The following GPR137C variants were observed in gnomAD, a reference collection of about 807,000 sequenced individuals.
GPR137C encodes integral membrane protein GPR137C.
In GPR137C, 27 loss-of-function variants were observed where a neutral mutation model predicts 43.4. The ratio of observed to expected loss-of-function variants is 0.62; its 90% CI spans 0.46 to 0.86. The LOEUF is 0.86. GPR137C is among the 40% of genes least tolerant of loss of function. GPR137C has a pLI of 0.00. For synonymous variants in GPR137C, 285 were observed against 226.9 expected, an observed-to-expected ratio of 1.26 and a Z score of -2.30; for missense variants, 522 against 534.6, an observed-to-expected ratio of 0.98 and a Z score of 0.23.
intron 1 of GPR137C, among the ~76,000 whole-genome samples, chr14:52,584,749 G>A (rs969781971): frequency 2.0e-5 from 3 of 152,024 alleles, no homozygotes; most frequent in African/African-American, 7.2e-5. Context: ...TAGCTAGGAC[G>A]ATAGGTGTGG....
At chr14:52,614,100 T>A (rs143768251) in intron 3 of GPR137C, among the ~76,000 whole-genome samples, 109 of 152,182 alleles carry the variant, frequency 7.2e-4, no homozygotes, top group African/African-American at 2.6e-3. Flanking sequence ...TTCTCTGATG[T>A]TAAATGATGT....
At chr14:52,564,396 A>G (rs1014779309) in intron 1 of GPR137C, among the ~76,000 whole-genome samples, 2 of 151,934 alleles carry the variant, frequency 1.3e-5, no homozygotes, top group African/African-American at 4.8e-5. Flanking sequence ...ATTTCAAACT[A>G]TGCTCCTCAT....
At chr14:52,574,248 A>G (rs758153953) in intron 1 of GPR137C, among the ~76,000 whole-genome samples, 22 of 152,318 alleles carry the variant, frequency 1.4e-4, no homozygotes, top group Admixed American at 2.0e-4. Flanking sequence ...TAGTCATTCT[A>G]CTATAAAGAC....
chr14:52,620,839 A>G (rs1323402907), intron 3 of GPR137C, among the ~76,000 whole-genome samples: 1 of 151,998 alleles, frequency 6.6e-6, no homozygotes, highest in Non-Finnish European at 1.5e-5. Context: ...GAGTCAGTTC[A>G]CTTAAAGATA....
chr14:52,575,155 T>G (rs1363465996), intron 1 of GPR137C, among the ~76,000 whole-genome samples: 1 of 152,184 alleles, frequency 6.6e-6, no homozygotes, highest in Non-Finnish European at 1.5e-5. Context: ...TTTACAGAGA[T>G]TTTTAGTAAC....
intron 3 of GPR137C, among the ~76,000 whole-genome samples, chr14:52,622,343 G>C (rs2039170516): frequency 6.6e-6 from 1 of 151,940 alleles, no homozygotes; most frequent in Non-Finnish European, 1.5e-5. Context: ...TTAATCATTT[G>C]GAAAAGAATG....
At position 52,637,478 on chromosome 14, in the gene GPR137C, G is replaced by A. The variant is rs772470595; in HGVS notation, c.*2363G>A. The A allele has an allele frequency of 1.3e-5, 2 of 152,112 alleles. No homozygotes were observed. The highest frequency in any genetic ancestry group is 2.4e-5 in the African/African-American group (1 of 41,438). 9.4% of individuals were successfully genotyped at this position (152,112 alleles called of 1,614,324 possible). A position where few individuals can be genotyped will look rare whatever the true frequency, so the allele number is the denominator to read the frequency against. The stretch of plus-strand genomic sequence containing the variant: ...TTTCACTTGGGTGGCCATTAATTTT[G>A]AAACCTTTACCACTCATTGTAGTTG... On this transcript the variant is annotated 3_prime_UTR_variant, in exon 7 of 7. Coordinates refer to ENST00000321662, the MANE Select transcript of GPR137C (RefSeq NM_001099652.2).
At chr14:52,580,449 G>A (rs1011249587) in intron 1 of GPR137C, among the ~76,000 whole-genome samples, 4 of 151,930 alleles carry the variant, frequency 2.6e-5, no homozygotes, top group Non-Finnish European at 4.4e-5. Flanking sequence ...TGCAATCTTC[G>A]CCTCTGGGCC....
At chr14:52,575,223 T>A (rs768630791) in intron 1 of GPR137C, among the ~76,000 whole-genome samples, 3 of 152,152 alleles carry the variant, frequency 2.0e-5, no homozygotes, top group Non-Finnish European at 4.4e-5. Context: ...CCTGAAAATT[T>A]TAGTTATTTA....
In GPR137C at chr14:52,599,579, G is replaced by A. The variant is rs556978578; in HGVS notation, c.489-534G>A. Among the ~76,000 whole-genome samples the A allele has an allele frequency of 1.8e-3, 273 of 151,968 alleles. 1 individual carries two copies. Among genetic ancestry groups the A allele is most frequent in the African/African-American group, 6.1e-3 (254 of 41,462 alleles). On this transcript the variant is annotated intron_variant, in intron 2 of 6. Transcript: ENST00000321662. ...CTCCTGAATAGCTGGGACTACAGGC[G>A]TGTGCCGCCATACCCAGCTAATTTT...
chr14:52,621,173 A>T (rs1455240632), intron 3 of GPR137C, among the ~76,000 whole-genome samples: 1 of 151,822 alleles, frequency 6.6e-6, no homozygotes, highest in Non-Finnish European at 1.5e-5. Context: ...AGAAAAATAA[A>T]TTATAGAATT....
intron 1 of GPR137C, among the ~76,000 whole-genome samples, chr14:52,579,113 T>G (rs951242805): frequency 6.6e-6 from 1 of 152,138 alleles, no homozygotes; most frequent in Admixed American, 6.5e-5. Flanking sequence ...AAAAAAATAT[T>G]CTAATCTTTC....
At chr14:52,621,069 A>G (rs2039155334) in intron 3 of GPR137C, among the ~76,000 whole-genome samples, 1 of 151,934 alleles carries the variant, frequency 6.6e-6, no homozygotes, top group Non-Finnish European at 1.5e-5. Context: ...AAGCTTAGCA[A>G]ACCCAATCAG....
chr14:52,632,486 A>T (rs531789772), intron 4 of GPR137C, among the ~76,000 whole-genome samples, 177 bp downstream of exon 4: 1 of 152,220 alleles, frequency 6.6e-6, no homozygotes, highest in East Asian at 1.9e-4. Flanking sequence ...ATTTGAAATC[A>T]TTCTTCACAG....
chr14:52,553,383 T>C lies in GPR137C; in HGVS notation c.236T>C (p.Leu79Pro). The C allele has an allele frequency of 6.2e-7, 1 of 1,605,794 alleles. No homozygotes were observed. Among genetic ancestry groups the C allele is most frequent in the Non-Finnish European group, 8.5e-7 (1 of 1,179,402 alleles). Reference sequence around the variant, plus strand: ...CTGCTCCTGTACCGCGAGCGGCGGCTGAGTTACCAGAGCCTCTGCCTCTTC... The same window carrying C: ...CTGCTCCTGTACCGCGAGCGGCGGCCGAGTTACCAGAGCCTCTGCCTCTTC... ...WRLLLYRERR[L>P]SYQSLCLFLC... Residue 79 changes from leucine to proline, a missense_variant, in exon 1 of 7, where the codon CTG (leucine) becomes CCG (proline). By Grantham distance (98) the Leu-to-Pro change is moderately conservative. This residue lies in a region of GPR137C where 437 missense variants were observed against 425.7 expected (regional missense o/e 1.03). Transcript: ENST00000321662.
chr14:52,555,342 A>G (rs2038176463), intron 1 of GPR137C, among the ~76,000 whole-genome samples: 1 of 152,196 alleles, frequency 6.6e-6, no homozygotes, highest in South Asian at 2.1e-4. Flanking sequence ...ACAATCTTAA[A>G]TGCACACCTA....
chr14:52,595,316 G>C (rs1019055134), intron 1 of GPR137C, among the ~76,000 whole-genome samples: 9 of 152,134 alleles, frequency 5.9e-5, no homozygotes, highest in African/African-American at 2.2e-4. Context: ...TCTTCTTGAG[G>C]AGTATCTTTG....
At chr14:52,560,563 T>C (rs989066706) in intron 1 of GPR137C, among the ~76,000 whole-genome samples, 1 of 152,158 alleles carries the variant, frequency 6.6e-6, no homozygotes, top group African/African-American at 2.4e-5. Context: ...GATAGACATA[T>C]AGATCAGTGG....
intron 3 of GPR137C, among the ~76,000 whole-genome samples, chr14:52,628,472 G>C (rs147523642): frequency 6.6e-6 from 1 of 152,256 alleles, no homozygotes; most frequent in East Asian, 1.9e-4. Context: ...AAAAAAATAA[G>C]TTGATAAATT....
Sources: gnomAD v4.1 joint callset for allele counts (sites outside exome capture counted in the v4.1 genomes callset) on GRCh38, gnomAD v4.1.1 for gene constraint, gnomAD v4.1.1 regional missense constraint, MANE v1.5 for transcripts, NCBI Gene and HGNC (gene_info 2026-07-23, HGNC 2026-07-21) for gene names.